SOD3: variants seen among roughly 807,000 people sequenced by gnomAD.
The protein encoded by SOD3 is extracellular superoxide dismutase [Cu-Zn].
In SOD3, 3 loss-of-function variants were observed where a neutral mutation model predicts 2.6. The ratio of observed to expected loss-of-function variants is 1.13; its 90% CI spans 0.52 to 2.93. The LOEUF is 2.93. SOD3 is among the 30% of genes most tolerant of loss of function. The pLI is 0.04. For missense variants in SOD3, 379 were observed against 370.4 expected, an observed-to-expected ratio of 1.02 and a Z score of -0.19; for synonymous variants, 188 against 177.5, an observed-to-expected ratio of 1.06 and a Z score of -0.47.
chr4:24,800,286 C>T lies in SOD3; in HGVS notation c.*42C>T. The T allele has an allele frequency of 7.3e-7, 1 of 1,369,782 alleles. No individual in the cohort carries two copies. Among genetic ancestry groups the T allele is most frequent in the South Asian group, 1.8e-5 (1 of 55,692 alleles). The allele number at this position is 1,369,782 out of a possible 1,614,324, so 84.9% of individuals were successfully genotyped here. A position where few individuals can be genotyped will look rare whatever the true frequency, so the allele number is the denominator to read the frequency against. ...GCGGCGGCCAGGGACCCCCGAGGCCCCCCTCTGCCTTTGAGCTTCTCCTCT... is the reference window on the plus strand; with the variant it reads ...GCGGCGGCCAGGGACCCCCGAGGCCTCCCTCTGCCTTTGAGCTTCTCCTCT... On this transcript the variant is annotated 3_prime_UTR_variant, in exon 2 of 2. Transcript: ENST00000382120.
chr4:24,800,167 G>A lies in SOD3; in HGVS notation c.646G>A (p.Gly216Arg). ...CTGCGTGGTGGGCGTGTGCGGGCCC[G>A]GGCTCTGGGAGCGCCAGGCGCGGGA... is the stretch of plus-strand genomic sequence containing the variant. ...ACCVVGVCGPGLWERQAREHS... is the reference protein window; with the variant it reads ...ACCVVGVCGPRLWERQAREHS... Residue 216 changes from glycine (G) to arginine (R), a missense_variant, in exon 2 of 2, where the codon GGG becomes AGG. Coordinates refer to ENST00000382120, the MANE Select transcript of SOD3 (RefSeq NM_003102.4). The A allele has an allele frequency of 7.1e-7, 1 of 1,416,990 alleles. No homozygotes were observed. Among genetic ancestry groups the A allele is most frequent in the Non-Finnish European group, 9.1e-7 (1 of 1,093,560 alleles). The allele number at this position is 1,416,990 out of a possible 1,614,324, so 87.8% of individuals were successfully genotyped here. A position where few individuals can be genotyped will look rare whatever the true frequency, so the allele number is the denominator to read the frequency against.
chr4:24,799,121 G>A (rs4697073), intron 1 of SOD3, among the ~76,000 whole-genome samples: 1,621 of 152,290 alleles, frequency 0.011, 96 homozygotes, highest in Admixed American at 0.087. Flanking sequence ...GTCTGTGGGG[G>A]AGGATGGAGG....
intron 1 of SOD3, among the ~76,000 whole-genome samples, chr4:24,796,549 C>T (rs950117508): frequency 2.7e-5 from 4 of 149,632 alleles, no homozygotes; most frequent in Non-Finnish European, 5.9e-5. Flanking sequence ...CTCTACCTCC[C>T]GGGCTCAAGC....
chr4:24,797,436 C>T (rs1713703149), intron 1 of SOD3, among the ~76,000 whole-genome samples: 2 of 152,202 alleles, frequency 1.3e-5, no homozygotes, highest in Non-Finnish European at 2.9e-5. Flanking sequence ...AGGGAATTAA[C>T]CCACGCACAG....
At position 24,799,830 on chromosome 4, in the gene SOD3, G is replaced by A. The variant is rs368698011; in HGVS notation, c.309G>A (p.Pro103=). The change falls in exon 2 of 2, where the codon CCG becomes CCA. Residue 103 remains proline, a synonymous_variant. Coordinates refer to ENST00000382120, the MANE Select transcript of SOD3 (RefSeq NM_003102.4). ...LDAFFALEGF[P]TEPNSSSRAI... The stretch of plus-strand genomic sequence containing the variant: ...CCTTCTTCGCCCTGGAGGGCTTCCC[G>A]ACCGAGCCGAACAGCTCCAGCCGCG... The A allele has an allele frequency of 2.6e-5, 42 of 1,600,600 alleles. No homozygotes were observed. In the African/African-American group the frequency reaches 5.3e-4, roughly 20 times the overall value.
intron 1 of SOD3, among the ~76,000 whole-genome samples, chr4:24,797,967 G>C (rs1713719394): frequency 6.6e-6 from 1 of 152,036 alleles, no homozygotes; most frequent in Admixed American, 6.5e-5. Flanking sequence ...GTTGGAATTG[G>C]GATTCAAATC....
At chr4:24,799,081 C>A (rs955415183) in intron 1 of SOD3, among the ~76,000 whole-genome samples, 2 of 152,080 alleles carry the variant, frequency 1.3e-5, no homozygotes, top group African/African-American at 4.8e-5. Context: ...ATGCAAAGCC[C>A]CAGAAGGCAG....
In SOD3 at chr4:24,799,592, C is replaced by T. The variant is rs368365310; in HGVS notation, c.71C>T (p.Ser24Leu). The T allele has an allele frequency of 3.1e-6, 5 of 1,603,260 alleles. No individual in the cohort carries two copies. In the African/African-American group the frequency reaches 6.7e-5, roughly 21 times the overall value. The part of the protein sequence containing the change: ...GASDAWTGED[S>L]AEPNSDSAEW... Reference sequence around the variant, plus strand: ...TCGGACGCCTGGACGGGCGAGGACTCGGCGGAGCCCAACTCTGACTCGGCG... The same window carrying T: ...TCGGACGCCTGGACGGGCGAGGACTTGGCGGAGCCCAACTCTGACTCGGCG... The change falls in exon 2 of 2, where the codon TCG becomes TTG. Residue 24 changes from serine (S) to leucine (L), a missense_variant. Physicochemically the swap from Ser to Leu is moderately radical, Grantham distance 145. Coordinates refer to ENST00000382120, the MANE Select transcript of SOD3 (RefSeq NM_003102.4).
chr4:24,800,552 T>G lies in SOD3; in HGVS notation c.*308T>G. 2 of 249,342 alleles carry G rather than the reference T, an allele frequency of 8.0e-6. No individual in the cohort carries two copies. The highest frequency in any genetic ancestry group is 1.6e-5 in the Non-Finnish European group (2 of 121,718). 15.4% of individuals were successfully genotyped at this position (249,342 alleles called of 1,614,324 possible). A position where few individuals can be genotyped will look rare whatever the true frequency, so the allele number is the denominator to read the frequency against. On this transcript the variant is annotated 3_prime_UTR_variant, in exon 2 of 2. Transcript: ENST00000382120. ...AGGTACCTTTCCACCCAGACCCTCC[T>G]TCCCCACCCCATAAGCCCTGAGACT...
Position 24,800,162 on chromosome 4 carries a change from G to A in SOD3, c.641G>A (p.Gly214Glu). The A allele has an allele frequency of 7.1e-7, 1 of 1,414,878 alleles. No homozygotes were observed. Among genetic ancestry groups the A allele is most frequent in the Non-Finnish European group, 9.2e-7 (1 of 1,092,738 alleles). 87.6% of individuals were successfully genotyped at this position (1,414,878 alleles called of 1,614,324 possible). ...RLACCVVGVCGPGLWERQARE... is the reference protein window; with the variant it reads ...RLACCVVGVCEPGLWERQARE... ...GCCTGCTGCGTGGTGGGCGTGTGCG[G>A]GCCCGGGCTCTGGGAGCGCCAGGCG... The change falls in exon 2 of 2, where the codon GGG becomes GAG. Residue 214 changes from glycine to glutamate, a missense_variant. Gly to Glu is a moderately conservative substitution (Grantham distance 98). Coordinates refer to ENST00000382120, the MANE Select transcript of SOD3 (RefSeq NM_003102.4).
intron 1 of SOD3, among the ~76,000 whole-genome samples, chr4:24,799,206 C>A (rs1181395325): frequency 1.3e-5 from 2 of 152,130 alleles, no homozygotes; most frequent in African/African-American, 4.8e-5. Flanking sequence ...CCTCACGCTC[C>A]CTGAGACCCC....
chr4:24,800,793 G>A lies in SOD3; in HGVS notation c.*549G>A, dbSNP rs1054866275. The A allele has an allele frequency of 1.3e-5, 2 of 157,038 alleles. No homozygotes were observed. Among genetic ancestry groups the A allele is most frequent in the Non-Finnish European group, 2.9e-5 (2 of 68,350 alleles). 9.7% of individuals were successfully genotyped at this position (157,038 alleles called of 1,614,324 possible). A position where few individuals can be genotyped will look rare whatever the true frequency, so the allele number is the denominator to read the frequency against. ...CACCCCACTGAGAGCTGCTCCTTTGGGGGAATGTTTGGCAACCTTTGTGTT... is the reference window on the plus strand; with the variant it reads ...CACCCCACTGAGAGCTGCTCCTTTGAGGGAATGTTTGGCAACCTTTGTGTT... On this transcript the variant is annotated 3_prime_UTR_variant, in exon 2 of 2. Coordinates refer to ENST00000382120, the MANE Select transcript of SOD3 (RefSeq NM_003102.4).
chr4:24,796,208 T>C (rs1387335889), intron 1 of SOD3, among the ~76,000 whole-genome samples: 1 of 152,164 alleles, frequency 6.6e-6, no homozygotes, highest in Non-Finnish European at 1.5e-5. Flanking sequence ...AACACTGTCC[T>C]CTTTCTCTGA....
intron 1 of SOD3, among the ~76,000 whole-genome samples, chr4:24,796,434 TC>T (rs1369988183): frequency 7.3e-5 from 7 of 96,528 alleles, no homozygotes; most frequent in African/African-American, 1.5e-4. Context: ...CTCCTTCTTC[TC>T]TTTTTTTTTT....
chr4:24,799,924 C>T lies in SOD3; in HGVS notation c.403C>T (p.Leu135=), dbSNP rs1327591793. The change falls in exon 2 of 2, where the codon CTG becomes TTG. Residue 135 remains leucine (L), a synonymous_variant. Coordinates refer to ENST00000382120, the MANE Select transcript of SOD3 (RefSeq NM_003102.4). ...GTCCACCGGGCCCCACTACAACCCG[C>T]TGGCCGTGCCGCACCCGCAGCACCC... The part of the protein sequence containing the change: ...CESTGPHYNP[L]AVPHPQHPGD... The T allele has an allele frequency of 6.3e-7, 1 of 1,597,774 alleles. No homozygotes were observed. The highest frequency in any genetic ancestry group is 8.5e-7 in the Non-Finnish European group (1 of 1,178,110).
At chr4:24,796,650 G>A (rs1423809219) in intron 1 of SOD3, among the ~76,000 whole-genome samples, 1 of 145,308 alleles carries the variant, frequency 6.9e-6, no homozygotes, top group Non-Finnish European at 1.5e-5. Flanking sequence ...TGCTAGAGAT[G>A]GGGGTCTCTA....
chr4:24,798,151 A>G (rs1006299977), intron 1 of SOD3, among the ~76,000 whole-genome samples: 1 of 150,470 alleles, frequency 6.6e-6, no homozygotes, highest in Non-Finnish European at 1.5e-5. Flanking sequence ...TGGGCATCTG[A>G]TTTTTAAAAA....
rs372589226 is a variant in SOD3 at position 24,799,687 on chromosome 4, G to A, written c.166G>A (p.Asp56Asn). The change falls in exon 2 of 2, where the codon GAC (aspartate) becomes AAC (asparagine). Residue 56 changes from aspartate (D) to asparagine (N), a missense_variant. Asp to Asn is a conservative substitution (Grantham distance 23, BLOSUM62 1). Coordinates refer to ENST00000382120, the MANE Select transcript of SOD3 (RefSeq NM_003102.4). ...WQEVMQRRDD[D>N]GALHAACQVQ... ...GGAGGTCATGCAGCGGCGGGACGAC[G>A]ACGGCGCGCTCCACGCCGCCTGCCA... The A allele has an allele frequency of 9.2e-5, 146 of 1,587,242 alleles. No individual in the cohort carries two copies. The highest frequency in any genetic ancestry group is 1.2e-4 in the Non-Finnish European group (136 of 1,170,904).
intron 1 of SOD3, 71 bp from the exon 2 acceptor site, chr4:24,799,435 G>A (rs1300760739): frequency 2.0e-6 from 3 of 1,523,110 alleles, no homozygotes; most frequent in Admixed American, 2.1e-5. Context: ...GCGATAATGG[G>A]GTCCCTGAGA....
Sources: gnomAD v4.1 joint callset for allele counts (sites outside exome capture counted in the v4.1 genomes callset) on GRCh38, gnomAD v4.1.1 for gene constraint, MANE v1.5 for transcripts, NCBI Gene and HGNC (gene_info 2026-07-23, HGNC 2026-07-21) for gene names.